The following MSRA variants were observed in gnomAD, a reference collection of about 807,000 sequenced individuals.
MSRA encodes the protein mitochondrial peptide methionine sulfoxide reductase.
In MSRA, 54 loss-of-function variants were observed where a neutral mutation model predicts 31.3. That is an observed-to-expected ratio of 1.73 (90% CI 1.39 to 2.17). MSRA has a LOEUF of 2.17. MSRA is among the 30% of genes most tolerant of loss of function. The pLI is 0.00. For missense variants in MSRA, 507 were observed against 300.9 expected, an observed-to-expected ratio of 1.69 and a Z score of -5.07; for synonymous variants, 169 against 116.5, an observed-to-expected ratio of 1.45 and a Z score of -2.90.
chr8:10,141,959 T>TTTTG (rs780310814), intron 1 of MSRA, among the ~76,000 whole-genome samples: 1 of 152,092 alleles, frequency 6.6e-6, no homozygotes, highest in African/African-American at 2.4e-5. Flanking sequence ...TTCAGGATTT[T>TTTTG]TTTGTTTGTT....
At chr8:10,194,458 T>G (rs1053084537) in intron 1 of MSRA, among the ~76,000 whole-genome samples, 2 of 152,046 alleles carry the variant, frequency 1.3e-5, no homozygotes, top group African/African-American at 4.8e-5. Flanking sequence ...CCCAGCTACT[T>G]GGGAGGCTGA....
chr8:10,106,777 G>A (rs1349542862), intron 1 of MSRA, among the ~76,000 whole-genome samples: 1 of 151,866 alleles, frequency 6.6e-6, no homozygotes, highest in Admixed American at 6.6e-5. Context: ...TACACCCTTG[G>A]GAATGTGTCC....
At chr8:10,176,142 G>A (rs1806030766) in intron 1 of MSRA, among the ~76,000 whole-genome samples, 1 of 152,156 alleles carries the variant, frequency 6.6e-6, no homozygotes, top group Non-Finnish European at 1.5e-5. Flanking sequence ...CTTTTAAGCA[G>A]TTTGAAACGA....
intron 5 of MSRA, among the ~76,000 whole-genome samples, chr8:10,373,321 G>C (rs1805580909): frequency 6.6e-6 from 1 of 152,278 alleles, no homozygotes; most frequent in Non-Finnish European, 1.5e-5. Context: ...GTCCACAGTA[G>C]CTCAGAGATG....
At chr8:10,064,213 C>T (rs910189946) in intron 1 of MSRA, among the ~76,000 whole-genome samples, 4 of 152,134 alleles carry the variant, frequency 2.6e-5, no homozygotes, top group African/African-American at 7.2e-5. Flanking sequence ...ATGCCCTCTC[C>T]GTTCAGTGAG....
At chr8:10,207,102 A>G (rs1436279373) in intron 1 of MSRA, among the ~76,000 whole-genome samples, 1 of 152,242 alleles carries the variant, frequency 6.6e-6, no homozygotes, top group Non-Finnish European at 1.5e-5. Context: ...TAGATGGGGA[A>G]TACTCATATT....
intron 5 of MSRA, among the ~76,000 whole-genome samples, chr8:10,341,760 A>G (rs1415064913): frequency 2.0e-5 from 3 of 152,194 alleles, no homozygotes; most frequent in Non-Finnish European, 4.4e-5. Flanking sequence ...GTGAGATGAC[A>G]TGTGCCAAGC....
chr8:10,246,559 G>T (rs1797632794), intron 3 of MSRA, among the ~76,000 whole-genome samples: 1 of 152,182 alleles, frequency 6.6e-6, no homozygotes, highest in African/African-American at 2.4e-5. Flanking sequence ...AGTGTGGTTT[G>T]TGGAGGATGC....
At chr8:10,054,820 G>T (rs1802228928) in intron 1 of MSRA, among the ~76,000 whole-genome samples, 162 bp downstream of exon 1, 1 of 152,204 alleles carries the variant, frequency 6.6e-6, no homozygotes, top group Non-Finnish European at 1.5e-5. Flanking sequence ...GCAGTGGCCG[G>T]GGAGACGCTG....
chr8:10,276,964 G>A (rs1799352829), intron 3 of MSRA, among the ~76,000 whole-genome samples: 1 of 151,994 alleles, frequency 6.6e-6, no homozygotes, highest in South Asian at 2.1e-4. Flanking sequence ...AGAATTAAAT[G>A]GATTTGATTT....
rs1053304426 is a variant in MSRA at position 10,191,123 on chromosome 8, A to G, written c.143-16710A>G. ...ATGGATGAAGTATCTAGGCTAATAA[A>G]TCACCTAGCTTAATAGCAGCAACAA... is the stretch of plus-strand genomic sequence containing the variant. On this transcript the variant is annotated intron_variant, in intron 1 of 5. Coordinates refer to ENST00000317173, the MANE Select transcript of MSRA (RefSeq NM_012331.5). Among the ~76,000 whole-genome samples, 3 of 152,254 alleles carry G rather than the reference A, an allele frequency of 2.0e-5. No homozygotes were observed. The East Asian group carries it at 5.8e-4, about 29-fold the overall frequency.
At chr8:10,394,131 T>C (rs1806940450) in intron 5 of MSRA, among the ~76,000 whole-genome samples, 1 of 152,370 alleles carries the variant, frequency 6.6e-6, no homozygotes, top group East Asian at 1.9e-4. Context: ...TTAAATATTT[T>C]ACCAGTCTCT....
intron 1 of MSRA, among the ~76,000 whole-genome samples, chr8:10,207,007 C>T (rs1210285953): frequency 3.9e-5 from 6 of 152,176 alleles, no homozygotes; most frequent in Non-Finnish European, 7.3e-5. Context: ...CAGTGTGAAG[C>T]GTCTTAGCTA....
At chr8:10,252,074 T>A (rs1294490229) in intron 3 of MSRA, among the ~76,000 whole-genome samples, 1 of 152,258 alleles carries the variant, frequency 6.6e-6, no homozygotes, top group South Asian at 2.1e-4. Flanking sequence ...AGCTGTATTA[T>A]ATGTTGATGT....
intron 1 of MSRA, among the ~76,000 whole-genome samples, chr8:10,196,277 G>A (rs1015814545): frequency 1.3e-5 from 2 of 152,174 alleles, no homozygotes; most frequent in African/African-American, 4.8e-5. Context: ...AGAACTGCTT[G>A]TAGAAACATT....
chr8:10,188,692 C>T (rs1050755082), intron 1 of MSRA, among the ~76,000 whole-genome samples: 2 of 152,146 alleles, frequency 1.3e-5, no homozygotes, highest in Non-Finnish European at 2.9e-5. Flanking sequence ...ATCTCAGCAC[C>T]CTTGTCACAA....
intron 3 of MSRA, chr8:10,250,992 T>C (rs1233124200): frequency 1.3e-5 from 2 of 152,512 alleles, no homozygotes; most frequent in African/African-American, 4.8e-5. Context: ...TGATGGATCA[T>C]GAAGCATTGC....
At chr8:10,099,121 G>A (rs80211092) in intron 1 of MSRA, among the ~76,000 whole-genome samples, 2 of 152,162 alleles carry the variant, frequency 1.3e-5, no homozygotes, top group Admixed American at 1.3e-4. Context: ...GAGAGAGAGA[G>A]AGAGTGCATT....
chr8:10,312,896 A>G lies in MSRA; in HGVS notation c.437-6987A>G, dbSNP rs565849008. On this transcript the variant is annotated intron_variant, in intron 4 of 5. Coordinates refer to ENST00000317173, the MANE Select transcript of MSRA (RefSeq NM_012331.5). ...TAAAAGATGACTTTCTTATTCTGAT[A>G]AGGAGTACATGCAAAAGCCTATAGC... 2.0e-5 allele frequency among the ~76,000 whole-genome samples: 3 copies of G among 152,372 alleles called. No homozygotes were observed. In the South Asian group the frequency reaches 6.2e-4, roughly 32 times the overall value.
Sources: allele counts gnomAD v4.1 joint callset (sites outside exome capture counted in the v4.1 genomes callset), GRCh38; gene constraint gnomAD v4.1.1; transcripts MANE v1.5; gene names NCBI Gene and HGNC (gene_info 2026-07-23, HGNC 2026-07-21).